The following NUP210 variants were observed in gnomAD, a reference collection of about 807,000 sequenced individuals.
The protein encoded by NUP210 is nucleoporin 210.
In NUP210, 151 loss-of-function variants were observed where a neutral mutation model predicts 196.0. The ratio of observed to expected loss-of-function variants is 0.77; its 90% CI spans 0.67 to 0.88. NUP210 has a LOEUF of 0.88. Ranked by LOEUF, NUP210 falls within the 40% of genes least tolerant of loss-of-function variation. The probability of loss-of-function intolerance (pLI) is 0.00; values close to 1 mark genes in which losing one functional copy is unlikely to be tolerated. For missense variants in NUP210, 2,314 were observed against 2,493.7 expected, an observed-to-expected ratio of 0.93 and a Z score of 1.53; for synonymous variants, 1,070 against 1,052.7, an observed-to-expected ratio of 1.02 and a Z score of -0.32.
At chr3:13,404,125 G>A (rs1424281308) in intron 1 of NUP210, among the ~76,000 whole-genome samples, 2 of 152,134 alleles carry the variant, frequency 1.3e-5, no homozygotes, top group Non-Finnish European at 2.9e-5. Context: ...GGCATTTTGA[G>A]CCCACCCATA....
rs181256527 is a variant in NUP210, at chr3:13,351,893, T to G, written c.2821A>C (p.Arg941=). Residue 941 remains arginine (R), a synonymous_variant, in exon 20 of 40, where the codon AGG becomes CGG. Transcript: ENST00000254508. ...CCCAAGCTTACCATGGCGACACCCCTGGCCTCCTGGTAGGCCACCTTGACA... is the reference window on the plus strand; with the variant it reads ...CCCAAGCTTACCATGGCGACACCCCGGGCCTCCTGGTAGGCCACCTTGACA... ...DVVKVAYQEA[R]GVAMVHPLLP... 2 of 1,613,306 alleles carry G rather than the reference T, an allele frequency of 1.2e-6. No homozygotes were observed. Among genetic ancestry groups the G allele is most frequent in the Non-Finnish European group, 1.7e-6 (2 of 1,179,294 alleles).
chr3:13,348,730 G>A lies in NUP210; in HGVS notation c.2835+3149C>T, dbSNP rs1217767557. On this transcript the variant is annotated intron_variant, in intron 20 of 39. Transcript: ENST00000254508. This position sits in a 1 kb window ranked among gnomAD's most constrained non-coding sequence, Gnocchi z 4.0. ...TGTCCCCAGCTGCTGAGGGCGTCCT[G>A]CCATCCAAGGGTCTGCCTCTGAGAA... The A allele has an allele frequency of 3.0e-6, 3 of 985,208 alleles. No individual in the cohort carries two copies. The highest frequency in any genetic ancestry group is 1.7e-5 in the African/African-American group (1 of 57,190). 61.0% of individuals were successfully genotyped at this position (985,208 alleles called of 1,614,324 possible). A position where few individuals can be genotyped will look rare whatever the true frequency, so the allele number is the denominator to read the frequency against.
chr3:13,403,561 A>G (rs1202093926), intron 1 of NUP210, among the ~76,000 whole-genome samples: 1 of 152,118 alleles, frequency 6.6e-6, no homozygotes. Flanking sequence ...TCACGTGGTG[A>G]GTGGTTCCAA....
intron 39 of NUP210, 71 bp downstream of exon 39, chr3:13,319,001 C>T (rs1696389280): frequency 1.3e-5 from 18 of 1,427,542 alleles, no homozygotes; most frequent in Non-Finnish European, 3.8e-6. Context: ...TCAGGAGCCT[C>T]GACCCCTCCC....
In NUP210 at chr3:13,340,098, C is replaced by A; in HGVS notation, c.3292-65G>T. On this transcript the variant is annotated intron_variant, in intron 24 of 39. Transcript: ENST00000254508. This position sits in a 1 kb window ranked among gnomAD's most constrained non-coding sequence, Gnocchi z 4.0. ...TGCCAGGCAGCCCGCACCTCCCACTCAGAGAGCCAGGGCCCCAGTGCAGGC... is the reference window on the plus strand; with the variant it reads ...TGCCAGGCAGCCCGCACCTCCCACTAAGAGAGCCAGGGCCCCAGTGCAGGC... The A allele has an allele frequency of 1.2e-6, 2 of 1,601,420 alleles. No individual in the cohort carries two copies. The highest frequency in any genetic ancestry group is 1.7e-6 in the Non-Finnish European group (2 of 1,171,680).
At chr3:13,341,609 G>T in intron 23 of NUP210, 139 bp downstream of exon 23, 1 of 989,628 alleles carries the variant, frequency 1.0e-6, no homozygotes, top group Non-Finnish European at 1.5e-6. Context: ...CGTAACAGCT[G>T]CCTTTTGATG....
intron 1 of NUP210, among the ~76,000 whole-genome samples, chr3:13,407,309 G>C (rs1334973288): frequency 6.6e-6 from 1 of 152,168 alleles, no homozygotes; most frequent in African/African-American, 2.4e-5. Context: ...CAATTATGCA[G>C]GAGGATGGCT....
chr3:13,360,178 G>T, intron 15 of NUP210, 92 bp downstream of exon 15: 1 of 1,064,976 alleles, frequency 9.4e-7, no homozygotes, highest in Non-Finnish European at 1.4e-6. Context: ...GTCTCTCAGC[G>T]TTACTCCAAG....
intron 9 of NUP210, among the ~76,000 whole-genome samples, chr3:13,376,985 C>T (rs1361165800): frequency 2.0e-5 from 3 of 152,194 alleles, no homozygotes; most frequent in Non-Finnish European, 4.4e-5. Context: ...CTGTCTGACA[C>T]CCCCTTCCAG....
chr3:13,399,092 C>T (rs987867424), intron 2 of NUP210, among the ~76,000 whole-genome samples: 3 of 151,840 alleles, frequency 2.0e-5, no homozygotes, highest in African/African-American at 7.3e-5. Context: ...CTTGGTGAAA[C>T]CCGTCTCTAT....
chr3:13,404,057 C>T (rs1004435456), intron 1 of NUP210, among the ~76,000 whole-genome samples: 1 of 152,258 alleles, frequency 6.6e-6, no homozygotes, highest in Admixed American at 6.5e-5. Flanking sequence ...AGGCAGCTCA[C>T]GCTGGTTTTC....
At position 13,340,679 on chromosome 3, in the gene NUP210, T is replaced by G. The variant is rs1235145804; in HGVS notation, c.3229-381A>C. ...GCAGCGCCTGGGGACACATTAGCAA[T>G]GTACAGCCCCAGCCACCTGGCCTGT... is the stretch of plus-strand genomic sequence containing the variant. On this transcript the variant is annotated intron_variant, in intron 23 of 39. Coordinates refer to ENST00000254508, the MANE Select transcript of NUP210 (RefSeq NM_024923.4). This position sits in a 1 kb window ranked among gnomAD's most constrained non-coding sequence, Gnocchi z 4.0. 6.6e-6 allele frequency among the ~76,000 whole-genome samples: 1 copy of G among 152,050 alleles called. No individual in the cohort carries two copies. The highest frequency in any genetic ancestry group is 1.9e-4 in the East Asian group (1 of 5,170).
Position 13,365,973 on chromosome 3 carries a change from G to C in NUP210, c.1905C>G (p.Ile635Met). Reference sequence around the variant, plus strand: ...TGAGGGGCAGGTAGGCAGCAATGGTGATCTTGGCACTCAGGTGGACGTGGC... The same window carrying C: ...TGAGGGGCAGGTAGGCAGCAATGGTCATCTTGGCACTCAGGTGGACGTGGC... The part of the protein sequence containing the change: ...RHGHVHLSAK[I>M]TIAAYLPLKA... Residue 635 changes from isoleucine (I) to methionine (M), a missense_variant, in exon 14 of 40, where the codon ATC becomes ATG. Transcript: ENST00000254508. 1 of 1,614,202 alleles carries C rather than the reference G, an allele frequency of 6.2e-7. No homozygotes were observed. Among genetic ancestry groups the C allele is most frequent in the Non-Finnish European group, 8.5e-7 (1 of 1,180,002 alleles).
rs577011230 is a variant in NUP210 at position 13,407,275 on chromosome 3, C to T, written c.168-7414G>A. On this transcript the variant is annotated intron_variant, in intron 1 of 39. Coordinates refer to ENST00000254508, the MANE Select transcript of NUP210 (RefSeq NM_024923.4). ...TTTTAAAGAAAGGAGAAAAGCTGGG[C>T]GCAGTGGCTTGTGCCTATAGTTCCA... is the stretch of plus-strand genomic sequence containing the variant. Among the ~76,000 whole-genome samples the T allele has an allele frequency of 2.6e-5, 4 of 152,262 alleles. 1 individual carries two copies. The East Asian group carries it at 5.8e-4, about 22-fold the overall frequency.
intron 1 of NUP210, among the ~76,000 whole-genome samples, chr3:13,400,134 C>T (rs1699787209): frequency 6.6e-6 from 1 of 152,180 alleles, no homozygotes; most frequent in Non-Finnish European, 1.5e-5. Flanking sequence ...CTGGAAATGA[C>T]CTCAAGGCTC....
intron 31 of NUP210, 53 bp from the exon 32 acceptor site, chr3:13,327,490 C>T: frequency 7.5e-7 from 1 of 1,332,086 alleles, no homozygotes; most frequent in South Asian, 1.3e-5. Flanking sequence ...AAGCTTCCAA[C>T]TCCCAAAGGG....
intron 4 of NUP210, among the ~76,000 whole-genome samples, chr3:13,389,010 A>G (rs1467937991): frequency 6.6e-6 from 1 of 152,240 alleles, no homozygotes; most frequent in Non-Finnish European, 1.5e-5. Flanking sequence ...GACGTGGTGT[A>G]GCCTGGAGTG....
Position 13,388,448 on chromosome 3 carries a change from A to G in NUP210, c.539T>C (p.Leu180Pro). The G allele has an allele frequency of 6.3e-7, 1 of 1,590,430 alleles. No homozygotes were observed. Among genetic ancestry groups the G allele is most frequent in the Non-Finnish European group, 8.5e-7 (1 of 1,172,394 alleles). Residue 180 changes from leucine to proline, a missense_variant, in exon 5 of 40, where the codon CTC (leucine) becomes CCC (proline). By Grantham distance (98) the Leu-to-Pro change is moderately conservative. Coordinates refer to ENST00000254508, the MANE Select transcript of NUP210 (RefSeq NM_024923.4). ...FSDSHNALRILTFLESTYIPP... is the reference protein window; with the variant it reads ...FSDSHNALRIPTFLESTYIPP... Reference sequence around the variant, plus strand: ...GATGTACGTAGACTCCAAGAAAGTGAGGATTCTGGAAAAGGAGCACGTTGT... The same window carrying G: ...GATGTACGTAGACTCCAAGAAAGTGGGGATTCTGGAAAAGGAGCACGTTGT...
chr3:13,318,945 C>A, intron 39 of NUP210, 127 bp downstream of exon 39: 2 of 871,194 alleles, frequency 2.3e-6, no homozygotes, highest in Non-Finnish European at 3.5e-6. Context: ...GTCCTCTGGG[C>A]CTCAGGCTCC....
Sources: allele counts gnomAD v4.1 joint callset (sites outside exome capture counted in the v4.1 genomes callset), GRCh38; gene constraint gnomAD v4.1.1; non-coding constraint Gnocchi (gnomAD v3.1); transcripts MANE v1.5; gene names NCBI Gene and HGNC (gene_info 2026-07-23, HGNC 2026-07-21).